Variants in AFF2 observed in about 807,000 individuals in gnomAD.
AFF2 encodes the protein AF4/FMR2 family member 2.
In AFF2, 14 loss-of-function variants were observed where a neutral mutation model predicts 76.9. That is an observed-to-expected ratio of 0.18 (90% CI 0.12 to 0.28). AFF2 has a LOEUF of 0.28. Ranked by LOEUF, AFF2 falls within the 10% of genes least tolerant of loss-of-function variation. AFF2 has a pLI of 1.00. For synonymous variants in AFF2, 398 were observed against 366.7 expected (o/e 1.09, Z -0.98); for missense variants, 868 against 1,001.1 (o/e 0.87, Z 1.79).
chrX:148,761,914 T>C (rs2069447674), intron 3 of AFF2, among the ~76,000 whole-genome samples: 1 of 109,924 alleles, frequency 9.1e-6, no homozygotes, highest in Non-Finnish European at 1.9e-5. Flanking sequence ...ATAATGAACC[T>C]CACTATATAT....
intron 1 of AFF2, among the ~76,000 whole-genome samples, chrX:148,526,755 G>C (rs782228097): frequency 3.3e-4 from 37 of 111,177 alleles, no homozygotes; most frequent in Middle Eastern, 4.6e-3. Context: ...CTGTTCATCT[G>C]TATATACAGC....
intron 1 of AFF2, among the ~76,000 whole-genome samples, chrX:148,578,803 G>A (rs185325843): frequency 1.8e-5 from 2 of 112,043 alleles, no homozygotes; most frequent in African/African-American, 3.2e-5. Context: ...TTGGTTGAAC[G>A]AATTAGTTTT....
intron 3 of AFF2, among the ~76,000 whole-genome samples, chrX:148,701,983 C>T (rs1163269509): frequency 8.0e-5 from 9 of 112,246 alleles, no homozygotes; most frequent in African/African-American, 2.9e-4. Flanking sequence ...AAGTAAATTA[C>T]AAGTGTGAAC....
intron 3 of AFF2, among the ~76,000 whole-genome samples, chrX:148,777,906 G>A (rs781811876): frequency 8.9e-6 from 1 of 112,111 alleles, no homozygotes; most frequent in Non-Finnish European, 1.9e-5. Flanking sequence ...GGAGTGGTGA[G>A]AGAGGGCATC....
chrX:148,599,569 A>T (rs1463252151), intron 1 of AFF2, among the ~76,000 whole-genome samples: 1 of 111,095 alleles, frequency 9.0e-6, no homozygotes, highest in Non-Finnish European at 1.9e-5. Context: ...GGCAATCAGT[A>T]TGATCTTGAA....
At chrX:148,874,059 G>A (rs2071008585) in intron 7 of AFF2, among the ~76,000 whole-genome samples, 1 of 111,476 alleles carries the variant, frequency 9.0e-6, no homozygotes, top group African/African-American at 3.3e-5. Flanking sequence ...TGAATAATAG[G>A]ATAGAAATAG....
At chrX:148,767,913 A>G (rs782321400) in intron 3 of AFF2, among the ~76,000 whole-genome samples, 1 of 110,866 alleles carries the variant, frequency 9.0e-6, no homozygotes, top group African/African-American at 3.3e-5. Flanking sequence ...AACCAGGCCC[A>G]TTGTATGGAA....
At chrX:148,728,177 T>C (rs2055183018) in intron 3 of AFF2, among the ~76,000 whole-genome samples, 1 of 112,544 alleles carries the variant, frequency 8.9e-6, no homozygotes, top group South Asian at 3.7e-4. Context: ...CATTTTCCTT[T>C]GTTGTAGGCT....
intron 3 of AFF2, among the ~76,000 whole-genome samples, chrX:148,726,771 G>A (rs1219430931): frequency 9.0e-6 from 1 of 111,726 alleles, no homozygotes; most frequent in African/African-American, 3.3e-5. Context: ...ATTGATTTAG[G>A]TGTAGCACAG....
chrX:148,591,937 AGGC>A (rs2053525907), intron 1 of AFF2, among the ~76,000 whole-genome samples: 1 of 112,184 alleles, frequency 8.9e-6, no homozygotes, highest in East Asian at 2.8e-4. Context: ...TCTAAGGAAA[AGGC>A]TTGCACTGCT....
chrX:148,847,111 G>T (rs1350468643), intron 7 of AFF2, among the ~76,000 whole-genome samples: 1 of 111,522 alleles, frequency 9.0e-6, no homozygotes, highest in Non-Finnish European at 1.9e-5. Context: ...AGAAACCAAG[G>T]TGAAGAACTT....
intron 1 of AFF2, among the ~76,000 whole-genome samples, chrX:148,552,895 G>A (rs1456337404): frequency 8.9e-6 from 1 of 112,015 alleles, no homozygotes; most frequent in African/African-American, 3.3e-5. Context: ...AACAGCCTAA[G>A]TTAGGGCCCC....
At chrX:148,922,333 T>C (rs1950881000) in intron 9 of AFF2, among the ~76,000 whole-genome samples, 1 of 111,815 alleles carries the variant, frequency 8.9e-6, no homozygotes, top group South Asian at 3.8e-4. Context: ...TTCTTTAATT[T>C]TCTCAGCTTT....
At chrX:148,807,808 C>G (rs2070156174) in intron 3 of AFF2, among the ~76,000 whole-genome samples, 1 of 112,380 alleles carries the variant, frequency 8.9e-6, no homozygotes, top group Admixed American at 9.4e-5. Context: ...TTGGAAAATA[C>G]AGTTGCTGCA....
chrX:148,886,055 GC>G (rs1434531973), intron 8 of AFF2, 70 bp downstream of exon 8: 5 of 820,425 alleles, frequency 6.1e-6, no homozygotes, highest in Admixed American at 2.3e-5. Context: ...GCTTTGACAT[GC>G]TTTGACATGC....
In AFF2 at chrX:148,624,857, G is replaced by A. The variant is rs140476967; in HGVS notation, c.48-27142G>A. Among the ~76,000 whole-genome samples the A allele has an allele frequency of 8.4e-3, 943 of 111,768 alleles. 8 individuals are homozygous for A. The highest frequency in any genetic ancestry group is 0.029 in the African/African-American group (899 of 30,797). On this transcript the variant is annotated intron_variant, in intron 1 of 20. Coordinates refer to ENST00000370460, the MANE Select transcript of AFF2 (RefSeq NM_002025.4). Reference sequence around the variant, plus strand: ...AACATGTATTCAGAAACATTGATGCGTCTAAGAATGGAGTTATAACAATTG... The same window carrying A: ...AACATGTATTCAGAAACATTGATGCATCTAAGAATGGAGTTATAACAATTG...
intron 9 of AFF2, among the ~76,000 whole-genome samples, chrX:148,916,456 C>T (rs1429693553): frequency 9.1e-6 from 1 of 109,331 alleles, no homozygotes; most frequent in East Asian, 2.9e-4. Context: ...GTGATCTTCC[C>T]GCCTCGGCCT....
At chrX:148,746,912 C>T (rs1432294346) in intron 3 of AFF2, among the ~76,000 whole-genome samples, 1 of 112,275 alleles carries the variant, frequency 8.9e-6, no homozygotes, top group Non-Finnish European at 1.9e-5. Flanking sequence ...AATGATCTGG[C>T]CCACTTTGGA....
chrX:148,794,904 A>G (rs1328873047), intron 3 of AFF2, among the ~76,000 whole-genome samples: 3 of 111,813 alleles, frequency 2.7e-5, no homozygotes, highest in African/African-American at 9.8e-5. Context: ...TGTTTAGCCA[A>G]AAACCCAGGG....
Sources: allele counts gnomAD v4.1 joint callset (sites outside exome capture counted in the v4.1 genomes callset), GRCh38; gene constraint gnomAD v4.1.1; transcripts MANE v1.5; gene names NCBI Gene and HGNC (gene_info 2026-07-23, HGNC 2026-07-21).